TNFSF4: variants seen among roughly 807,000 people sequenced by gnomAD.
TNFSF4 encodes TNF superfamily member 4.
Under a neutral mutation model 7.3 loss-of-function variants are expected in TNFSF4, and 4 were observed. The ratio of observed to expected loss-of-function variants is 0.55; its 90% confidence interval spans 0.27 to 1.25. The LOEUF (loss-of-function observed/expected upper bound fraction) is 1.25, where lower values mean the gene tolerates loss of function less well. Among genes scored for constraint, TNFSF4 ranks in the 50% most tolerant of loss-of-function variants. The pLI, the probability that TNFSF4 is intolerant of heterozygous loss-of-function variation, is 0.12. For missense variants in TNFSF4, 181 were observed against 208.8 expected, an observed-to-expected ratio of 0.87 and a Z score of 0.82; for synonymous variants, 76 against 83.7, an observed-to-expected ratio of 0.91 and a Z score of 0.50.
At chr1:173,294,701 A>G in the TNFSF4 span, among the ~76,000 whole-genome samples, 4 of 152,034 alleles carry the variant, frequency 2.6e-5, no homozygotes, top group Non-Finnish European at 2.9e-5. Flanking sequence ...TACAGAAGTC[A>G]ATCACACTGA....
At chr1:173,203,141 G>A (rs1650018477) in intron 1 of TNFSF4, among the ~76,000 whole-genome samples, 1 of 152,132 alleles carries the variant, frequency 6.6e-6, no homozygotes, top group African/African-American at 2.4e-5. Flanking sequence ...TCTGTGTAAG[G>A]ATGGTTTCAT....
chr1:173,419,956 C>T, the TNFSF4 span, among the ~76,000 whole-genome samples: 1 of 152,216 alleles, frequency 6.6e-6, no homozygotes, highest in South Asian at 2.1e-4. Flanking sequence ...TTTGCCTGTC[C>T]TCTATCAGCA....
At chr1:173,441,762 T>A in the TNFSF4 span, among the ~76,000 whole-genome samples, 1 of 152,234 alleles carries the variant, frequency 6.6e-6, no homozygotes, top group Non-Finnish European at 1.5e-5. Flanking sequence ...TGAACAAGAA[T>A]GTGTGTTTGC....
At chr1:173,210,033 GT>G (rs1419542244), upstream of TNFSF4, among the ~76,000 whole-genome samples, 274 of 145,206 alleles carry the variant, frequency 1.9e-3, no homozygotes, top group African/African-American at 5.0e-3. Context: ...AAACATTTGG[GT>G]TTTTTTTTTT....
At chr1:173,329,103 T>G in the TNFSF4 span, among the ~76,000 whole-genome samples, 1 of 152,218 alleles carries the variant, frequency 6.6e-6, no homozygotes, top group Non-Finnish European at 1.5e-5. Flanking sequence ...ATGCATCTTT[T>G]TAAAATTATG....
At chr1:173,389,169 T>C in the TNFSF4 span, among the ~76,000 whole-genome samples, 5 of 152,230 alleles carry the variant, frequency 3.3e-5, no homozygotes, top group Non-Finnish European at 5.9e-5. Flanking sequence ...CCTTTTGCTG[T>C]ACACTCTTGA....
chr1:173,331,940 A>C, the TNFSF4 span, among the ~76,000 whole-genome samples: 8 of 152,150 alleles, frequency 5.3e-5, no homozygotes, highest in African/African-American at 7.2e-5. Flanking sequence ...TTTGGTTGTC[A>C]TATCTCAGAG....
the TNFSF4 span, among the ~76,000 whole-genome samples, chr1:173,314,538 A>G: frequency 4.6e-5 from 7 of 152,000 alleles, no homozygotes; most frequent in Non-Finnish European, 8.8e-5. Flanking sequence ...GCATACTTCT[A>G]TTATCTAACA....
the TNFSF4 span, among the ~76,000 whole-genome samples, chr1:173,422,491 A>G: frequency 1.3e-5 from 2 of 151,986 alleles, no homozygotes; most frequent in Admixed American, 1.3e-4. Context: ...CACTGGAGAG[A>G]GCAATACCCA....
the TNFSF4 span, among the ~76,000 whole-genome samples, chr1:173,397,736 T>C: frequency 6.6e-6 from 1 of 152,198 alleles, no homozygotes; most frequent in Admixed American, 6.5e-5. Context: ...GGAAAAGGCT[T>C]CCACTTTTCC....
the TNFSF4 span, among the ~76,000 whole-genome samples, chr1:173,263,395 T>C: frequency 6.6e-6 from 1 of 152,206 alleles, no homozygotes; most frequent in Admixed American, 6.5e-5. Context: ...ATTTACTCAA[T>C]TTCTTTGGTC....
At chr1:173,419,125 G>C in the TNFSF4 span, among the ~76,000 whole-genome samples, 1 of 152,146 alleles carries the variant, frequency 6.6e-6, no homozygotes, top group Non-Finnish European at 1.5e-5. Context: ...AGATCACGAG[G>C]TCAGGAGATC....
chr1:173,227,511 G>T, the TNFSF4 span, among the ~76,000 whole-genome samples: 1 of 152,184 alleles, frequency 6.6e-6, no homozygotes, highest in African/African-American at 2.4e-5. Context: ...CAGAAGACAG[G>T]TGATTTCTGC....
At chr1:173,233,947 G>A in the TNFSF4 span, among the ~76,000 whole-genome samples, 3 of 152,106 alleles carry the variant, frequency 2.0e-5, no homozygotes, top group African/African-American at 7.2e-5. Context: ...ATTGACAAAT[G>A]GGATCTAATT....
At chr1:173,346,369 A>G in the TNFSF4 span, among the ~76,000 whole-genome samples, 1 of 152,170 alleles carries the variant, frequency 6.6e-6, no homozygotes, top group Non-Finnish European at 1.5e-5. Flanking sequence ...GCTGAAAAAA[A>G]ATTTTAAATC....
the TNFSF4 span, among the ~76,000 whole-genome samples, chr1:173,380,130 A>AAT: frequency 1.3e-5 from 2 of 152,132 alleles, no homozygotes; most frequent in African/African-American, 4.8e-5. Flanking sequence ...CTATCCGAGG[A>AAT]ATCCTGGGAC....
At chr1:173,432,728 A>G in the TNFSF4 span, among the ~76,000 whole-genome samples, 2 of 146,368 alleles carry the variant, frequency 1.4e-5, no homozygotes, top group Non-Finnish European at 3.0e-5. Flanking sequence ...AACTCTCCTG[A>G]AAAAAAAAAA....
At chr1:173,326,679 C>T in the TNFSF4 span, among the ~76,000 whole-genome samples, 1 of 152,064 alleles carries the variant, frequency 6.6e-6, no homozygotes, top group African/African-American at 2.4e-5. Flanking sequence ...TCTCAGGATA[C>T]AAAATCAATG....
the TNFSF4 span, among the ~76,000 whole-genome samples, chr1:173,423,278 A>G: frequency 6.6e-6 from 1 of 152,212 alleles, no homozygotes; most frequent in African/African-American, 2.4e-5. Context: ...TTTTCTCAAA[A>G]TTATATAGCC....
Sources: allele counts gnomAD v4.1 joint callset (sites outside exome capture counted in the v4.1 genomes callset), GRCh38; gene constraint gnomAD v4.1.1; transcripts MANE v1.5; gene names NCBI Gene and HGNC (gene_info 2026-07-23, HGNC 2026-07-21).